The following SYNDIG1L variants were observed in gnomAD, a reference collection of about 807,000 sequenced individuals.
The protein encoded by SYNDIG1L is synapse differentiation inducing 1 like, also known as synapse differentiation-inducing gene protein 1-like.
A neutral mutation model predicts 20.1 loss-of-function variants in SYNDIG1L; 13 were observed. The observed-to-expected ratio is 0.65, with a 90% CI of 0.42 to 1.03. The LOEUF is 1.03. SYNDIG1L is among the 50% of genes least tolerant of loss of function. The pLI, the probability that SYNDIG1L is intolerant of heterozygous loss-of-function variation, is 0.00. For missense variants in SYNDIG1L, 294 were observed against 305.1 expected, an observed-to-expected ratio of 0.96 and a Z score of 0.27; for synonymous variants, 128 against 129.3, an observed-to-expected ratio of 0.99 and a Z score of 0.07.
At chr14:74,427,742 CACAGACATACAG>C (rs1228540782), upstream of SYNDIG1L, among the ~76,000 whole-genome samples, 1 of 152,164 alleles carries the variant, frequency 6.6e-6, no homozygotes, top group Non-Finnish European at 1.5e-5. Flanking sequence ...CTCCTCAAAA[CACAGACATACAG>C]ACACACACAC....
At chr14:74,424,939 A>G (rs2086253210) in intron 1 of SYNDIG1L, among the ~76,000 whole-genome samples, 3 of 152,148 alleles carry the variant, frequency 2.0e-5, no homozygotes, top group African/African-American at 2.4e-5. Context: ...TAAAGCCAGT[A>G]AATGCCAGCA....
At chr14:74,439,643 G>A in the SYNDIG1L span, among the ~76,000 whole-genome samples, 2 of 152,232 alleles carry the variant, frequency 1.3e-5, no homozygotes, top group East Asian at 3.9e-4. Context: ...CACTTTGGGA[G>A]GCCGAGGCAG....
chr14:74,445,895 C>T, the SYNDIG1L span, among the ~76,000 whole-genome samples: 1 of 152,144 alleles, frequency 6.6e-6, no homozygotes, highest in Admixed American at 6.5e-5. Flanking sequence ...ATTGTATAAG[C>T]TGCTTTATTA....
the SYNDIG1L span, among the ~76,000 whole-genome samples, chr14:74,438,681 T>C: frequency 1.3e-5 from 2 of 152,316 alleles, no homozygotes; most frequent in South Asian, 2.1e-4. Context: ...AATCTTACAT[T>C]TCCTAACACC....
the SYNDIG1L span, among the ~76,000 whole-genome samples, chr14:74,452,716 T>C: frequency 6.6e-6 from 1 of 152,242 alleles, no homozygotes; most frequent in Non-Finnish European, 1.5e-5. Flanking sequence ...CCACATAATC[T>C]AGCCATTACA....
chr14:74,450,561 T>G, the SYNDIG1L span, among the ~76,000 whole-genome samples: 1 of 152,144 alleles, frequency 6.6e-6, no homozygotes, highest in Non-Finnish European at 1.5e-5. Context: ...TTCATCTTCT[T>G]AATAACCTAA....
At chr14:74,457,186 C>T in the SYNDIG1L span, among the ~76,000 whole-genome samples, 25 of 152,108 alleles carry the variant, frequency 1.6e-4, 1 homozygote, top group East Asian at 1.6e-3. Flanking sequence ...GGTGCTGGGT[C>T]GATGCCCTCT....
At chr14:74,466,741 C>T in the SYNDIG1L span, among the ~76,000 whole-genome samples, 2 of 152,152 alleles carry the variant, frequency 1.3e-5, no homozygotes, top group African/African-American at 4.8e-5. Flanking sequence ...GAAAAAATTC[C>T]GTTAGACAAA....
upstream of SYNDIG1L, among the ~76,000 whole-genome samples, chr14:74,426,578 A>G (rs533259094): frequency 6.6e-6 from 1 of 152,372 alleles, no homozygotes; most frequent in South Asian, 2.1e-4. Context: ...AAAGAAAAAC[A>G]AACAGAAAGC....
the SYNDIG1L span, among the ~76,000 whole-genome samples, chr14:74,445,454 T>G: frequency 4.7e-5 from 7 of 147,870 alleles, no homozygotes; most frequent in East Asian, 1.2e-3. Flanking sequence ...GTATTAAAAT[T>G]TGTGTGTGTG....
At chr14:74,453,771 G>T in the SYNDIG1L span, among the ~76,000 whole-genome samples, 1 of 151,970 alleles carries the variant, frequency 6.6e-6, no homozygotes, top group Non-Finnish European at 1.5e-5. Flanking sequence ...TGGCCAACAT[G>T]GTGAAACTCC....
At chr14:74,436,004 C>T in the SYNDIG1L span, among the ~76,000 whole-genome samples, 2 of 152,118 alleles carry the variant, frequency 1.3e-5, no homozygotes, top group Admixed American at 1.3e-4. Flanking sequence ...AACCCATTAT[C>T]ACTGAGAGCC....
At chr14:74,430,596 T>C (rs2086295875), upstream of SYNDIG1L, among the ~76,000 whole-genome samples, 1 of 152,074 alleles carries the variant, frequency 6.6e-6, no homozygotes, top group Non-Finnish European at 1.5e-5. Flanking sequence ...CTACCATACC[T>C]AGCTAATTTT....
intron 1 of SYNDIG1L, among the ~76,000 whole-genome samples, chr14:74,410,063 A>C (rs190405051): frequency 5.3e-5 from 8 of 152,344 alleles, no homozygotes; most frequent in African/African-American, 1.4e-4. Flanking sequence ...AGCATCAGCT[A>C]TATGCCAGGC....
the SYNDIG1L span, among the ~76,000 whole-genome samples, chr14:74,460,762 T>A: frequency 6.6e-6 from 1 of 152,064 alleles, no homozygotes. Context: ...CAGCCTCCCA[T>A]GTATTAATAG....
the SYNDIG1L span, among the ~76,000 whole-genome samples, chr14:74,478,156 AGG>A: frequency 2.0e-5 from 3 of 152,202 alleles, no homozygotes; most frequent in East Asian, 1.9e-4. Context: ...CACTCCTTAC[AGG>A]AGCTTTTATG....
chr14:74,416,476 A>C (rs147197105), intron 1 of SYNDIG1L, among the ~76,000 whole-genome samples: 45 of 152,278 alleles, frequency 3.0e-4, no homozygotes, highest in African/African-American at 1.1e-3. Context: ...TCTACAAAAA[A>C]TAAAAAAATC....
chr14:74,476,311 C>T, the SYNDIG1L span: 2 of 631,452 alleles, frequency 3.2e-6, no homozygotes, highest in Non-Finnish European at 5.7e-6. Context: ...AGGCCAGCAG[C>T]CATCCATTTG....
chr14:74,465,889 C>A, the SYNDIG1L span, among the ~76,000 whole-genome samples: 1 of 152,202 alleles, frequency 6.6e-6, no homozygotes, highest in Non-Finnish European at 1.5e-5. Flanking sequence ...AAAAAGCCAG[C>A]AGAATCTATC....
Sources: gnomAD v4.1 joint callset for allele counts (sites outside exome capture counted in the v4.1 genomes callset) on GRCh38, gnomAD v4.1.1 for gene constraint, MANE v1.5 for transcripts, NCBI Gene and HGNC (gene_info 2026-07-23, HGNC 2026-07-21) for gene names.